The following TGFB2 variants were observed in gnomAD, a reference collection of about 807,000 sequenced individuals.
TGFB2 encodes the protein transforming growth factor beta 2, also known as transforming growth factor beta-2 proprotein.
TGFB2 carries 13 observed loss-of-function variants against 42.7 expected under a neutral mutation model. The observed-to-expected ratio is 0.30, with a 90% CI of 0.20 to 0.48. The LOEUF (loss-of-function observed/expected upper bound fraction) is 0.48. Ranked by LOEUF, TGFB2 falls within the 20% of genes least tolerant of loss-of-function variation. TGFB2 has a pLI of 0.99. For synonymous variants in TGFB2, 193 were observed against 193.6 expected (o/e 1.00, Z 0.03); for missense variants, 390 against 517.5 (o/e 0.75, Z 2.39).
rs182981696 is a variant in TGFB2 at position 218,397,645 on chromosome 1, T to C, written c.347-7524T>C. 2.1e-3 allele frequency among the ~76,000 whole-genome samples: 327 copies of C among 152,290 alleles called. 1 individual carries two copies. Among genetic ancestry groups the C allele is most frequent in the African/African-American group, 7.6e-3 (315 of 41,554 alleles). On this transcript the variant is annotated intron_variant, in intron 1 of 6. Coordinates refer to ENST00000366930, the MANE Select transcript of TGFB2 (RefSeq NM_003238.6). ...GATTTCTTTTCTTCTGTCGTATATT[T>C]CAGCAGTTCTGAAATGTTAGGGTAC...
chr1:218,441,683 G>GACAACA lies in TGFB2; in HGVS notation c.*338_*343dup, dbSNP rs11118106. The GACAACA allele has an allele frequency of 6.6e-3, 1,271 of 193,700 alleles. 14 individuals carry two copies. Among genetic ancestry groups the GACAACA allele is most frequent in the African/African-American group, 0.025 (1,069 of 42,248 alleles). 12.0% of individuals were successfully genotyped at this position (193,700 alleles called of 1,614,324 possible). Reference sequence around the variant, plus strand: ...TATTAGTGTTAATTATGTGAACAACGACAACAACAACAACAACAACAAACA... The same window carrying GACAACA: ...TATTAGTGTTAATTATGTGAACAACGACAACAACAACAACAACAACAACAACAAACA... On this transcript the variant is annotated 3_prime_UTR_variant, in exon 7 of 7. Coordinates refer to ENST00000366930, the MANE Select transcript of TGFB2 (RefSeq NM_003238.6).
At chr1:218,430,541 G>GA (rs1659774129) in intron 2 of TGFB2, among the ~76,000 whole-genome samples, 1 of 152,184 alleles carries the variant, frequency 6.6e-6, no homozygotes, top group Non-Finnish European at 1.5e-5. Context: ...GGCTAAAATA[G>GA]AATGGGAAGT....
chr1:218,371,035 C>A (rs1033446461), intron 1 of TGFB2, among the ~76,000 whole-genome samples: 1 of 152,198 alleles, frequency 6.6e-6, no homozygotes, highest in East Asian at 1.9e-4. Context: ...CGCAGTGGCT[C>A]GTGCCTGTAA....
At chr1:218,364,754 A>T (rs574372088) in intron 1 of TGFB2, among the ~76,000 whole-genome samples, 12 of 152,192 alleles carry the variant, frequency 7.9e-5, no homozygotes, top group Non-Finnish European at 1.8e-4. Flanking sequence ...AAAAGAACTC[A>T]TTCTGTTGAG....
intron 1 of TGFB2, among the ~76,000 whole-genome samples, chr1:218,372,634 C>A (rs1183575057): frequency 2.6e-5 from 4 of 152,174 alleles, no homozygotes; most frequent in Non-Finnish European, 5.9e-5. Context: ...CTACTAGGTG[C>A]ACTGGTACCA....
intron 1 of TGFB2, chr1:218,363,455 A>C (rs1357785212): frequency 6.4e-7 from 1 of 1,573,864 alleles, no homozygotes; most frequent in Non-Finnish European, 8.7e-7. Flanking sequence ...CGTTTGACAT[A>C]GTTATATCAA....
intron 6 of TGFB2, among the ~76,000 whole-genome samples, chr1:218,440,920 C>A (rs912479972): frequency 1.3e-5 from 2 of 149,340 alleles, no homozygotes; most frequent in African/African-American, 5.1e-5. Context: ...ACTGGAAAAA[C>A]CGGGAAAATC....
chr1:218,444,597 T>TA lies in TGFB2; in HGVS notation c.*3242dup, dbSNP rs1014755249. ...CCAATCTCTTAATAAATAGGATTAA[T>TA]AAAAAAAGTAATTGTGACTCAATCT... On this transcript the variant is annotated 3_prime_UTR_variant, in exon 7 of 7. Coordinates refer to ENST00000366930, the MANE Select transcript of TGFB2 (RefSeq NM_003238.6). The TA allele has an allele frequency of 5.9e-5, 9 of 152,160 alleles. No individual in the cohort carries two copies. 9.4% of individuals were successfully genotyped at this position (152,160 alleles called of 1,614,324 possible).
intron 1 of TGFB2, among the ~76,000 whole-genome samples, chr1:218,390,910 A>G (rs1287970104): frequency 6.6e-6 from 1 of 152,182 alleles, no homozygotes; most frequent in Non-Finnish European, 1.5e-5. Context: ...TACATCTACC[A>G]ACCCTAAGAA....
At chr1:218,409,437 C>T (rs1659023370) in intron 2 of TGFB2, among the ~76,000 whole-genome samples, 1 of 152,086 alleles carries the variant, frequency 6.6e-6, no homozygotes, top group Admixed American at 6.6e-5. Context: ...TATTTGGAGT[C>T]CTATTTTTAG....
At chr1:218,370,693 G>A (rs1657543442) in intron 1 of TGFB2, among the ~76,000 whole-genome samples, 1 of 152,192 alleles carries the variant, frequency 6.6e-6, no homozygotes, top group East Asian at 1.9e-4. Flanking sequence ...AGATGGCCTT[G>A]TGGGATGGCT....
intron 4 of TGFB2, among the ~76,000 whole-genome samples, chr1:218,435,071 C>T (rs1030022991): frequency 6.6e-6 from 1 of 152,168 alleles, no homozygotes; most frequent in African/African-American, 2.4e-5. Flanking sequence ...GGGCTCAAGT[C>T]ACTTCATGTA....
intron 1 of TGFB2, among the ~76,000 whole-genome samples, chr1:218,397,228 A>G (rs1432650825): frequency 6.8e-6 from 1 of 146,168 alleles, no homozygotes; most frequent in Non-Finnish European, 1.5e-5. Flanking sequence ...AGATTGCGCC[A>G]TTACACTCCA....
Position 218,440,922 on chromosome 1 carries a change from G to A in TGFB2, c.1087-282G>A, listed in dbSNP as rs943895754. Among the ~76,000 whole-genome samples, 5 of 149,484 alleles carry A rather than the reference G, an allele frequency of 3.3e-5. No individual in the cohort carries two copies. In the South Asian group the frequency reaches 8.4e-4, roughly 25 times the overall value. On this transcript the variant is annotated intron_variant, in intron 6 of 6. Coordinates refer to ENST00000366930, the MANE Select transcript of TGFB2 (RefSeq NM_003238.6). ...AGAGGAAAGACTTACTGGAAAAACC[G>A]GGAAAATCTGTTGAATGAGCAATTT...
intron 1 of TGFB2, among the ~76,000 whole-genome samples, chr1:218,399,703 A>C (rs918401918): frequency 6.6e-6 from 1 of 152,110 alleles, no homozygotes; most frequent in African/African-American, 2.4e-5. Flanking sequence ...AAGGAATTAG[A>C]GTATATAGCG....
chr1:218,402,784 C>G (rs974067909), intron 1 of TGFB2, among the ~76,000 whole-genome samples: 2 of 152,206 alleles, frequency 1.3e-5, no homozygotes, highest in Non-Finnish European at 2.9e-5. Context: ...CCAGGATGCT[C>G]CTTCAAAGGA....
At chr1:218,406,074 TTC>T (rs1356827946) in intron 2 of TGFB2, among the ~76,000 whole-genome samples, 1 of 152,120 alleles carries the variant, frequency 6.6e-6, no homozygotes, top group Non-Finnish European at 1.5e-5. Flanking sequence ...TCTTATTGTC[TTC>T]TCTCTTCCTT....
chr1:218,415,694 CAAAAGAAAAA>C (rs1268267312), intron 2 of TGFB2, among the ~76,000 whole-genome samples: 7 of 40,154 alleles, frequency 1.7e-4, no homozygotes, highest in South Asian at 1.8e-3. Flanking sequence ...GACTCTGTCT[CAAAAGAAAAA>C]AAAAAAAAAA....
At chr1:218,427,283 A>G (rs1290639999) in intron 2 of TGFB2, among the ~76,000 whole-genome samples, 1 of 151,882 alleles carries the variant, frequency 6.6e-6, no homozygotes, top group Non-Finnish European at 1.5e-5. Context: ...ATTACCTTCT[A>G]CACCCCTACT....
Sources: gnomAD v4.1 joint callset for allele counts (sites outside exome capture counted in the v4.1 genomes callset) on GRCh38, gnomAD v4.1.1 for gene constraint, MANE v1.5 for transcripts, NCBI Gene and HGNC (gene_info 2026-07-23, HGNC 2026-07-21) for gene names.